Variants in ZFR observed in about 807,000 individuals in gnomAD.
ZFR encodes the protein zinc finger RNA-binding protein.
A neutral mutation model predicts 130.7 loss-of-function variants in ZFR; 19 were observed. The ratio of observed to expected loss-of-function variants is 0.15; its 90% CI spans 0.10 to 0.21. ZFR has a LOEUF of 0.21. Among genes scored for constraint, ZFR ranks in the 10% least tolerant of loss-of-function variants. The pLI is 1.00. For synonymous variants in ZFR, 466 were observed against 456.9 expected, an observed-to-expected ratio of 1.02 and a Z score of -0.25; for missense variants, 872 against 1,321.5, an observed-to-expected ratio of 0.66 and a Z score of 5.27.
rs573620405 is a variant in ZFR at position 32,380,984 on chromosome 5, C to T, written c.2642-812G>A. ...CATTTCTAAAAGTTTAATGCTCTCC[C>T]TTCCGCATGAAAATTTTAGTTATCA... is the stretch of plus-strand genomic sequence containing the variant. On this transcript the variant is annotated intron_variant, in intron 15 of 19. Transcript: ENST00000265069. 5.3e-5 allele frequency among the ~76,000 whole-genome samples: 8 copies of T among 152,166 alleles called. No individual in the cohort carries two copies. The East Asian group carries it at 9.7e-4, about 18-fold the overall frequency.
At chr5:32,364,324 C>T in intron 17 of ZFR, 49 bp from the exon 18 acceptor site, 3 of 1,439,664 alleles carry the variant, frequency 2.1e-6, no homozygotes, top group Non-Finnish European at 2.8e-6. Context: ...AAAGGAATTA[C>T]TCATTTTCAA....
chr5:32,444,006 C>T (rs36157014), intron 2 of ZFR, among the ~76,000 whole-genome samples: 1 of 151,026 alleles, frequency 6.6e-6, no homozygotes, highest in Non-Finnish European at 1.5e-5. Context: ...CCGTCTCTAC[C>T]TCCCCCCTAC....
chr5:32,363,944 G>A lies in ZFR; in HGVS notation c.3045+4C>T, dbSNP rs1241968703. The A allele has an allele frequency of 1.9e-6, 3 of 1,613,380 alleles. No individual in the cohort carries two copies. The highest frequency in any genetic ancestry group is 2.5e-6 in the Non-Finnish European group (3 of 1,179,574). ...TAGGGCTCTGAATTTAGGAATACCA[G>A]TACCTGTGCACTGGATGTGATGTCT... On this transcript the variant is annotated splice_donor_region_variant and intron_variant, in intron 19 of 19. Coordinates refer to ENST00000265069, the MANE Select transcript of ZFR (RefSeq NM_016107.5).
chr5:32,405,882 G>A (rs1753569777), intron 6 of ZFR, among the ~76,000 whole-genome samples: 1 of 152,138 alleles, frequency 6.6e-6, no homozygotes, highest in Non-Finnish European at 1.5e-5. Context: ...CTCAGGGAAT[G>A]TTAGAAACTG....
At chr5:32,443,360 G>A (rs1754513913) in intron 2 of ZFR, among the ~76,000 whole-genome samples, 1 of 152,200 alleles carries the variant, frequency 6.6e-6, no homozygotes, top group African/African-American at 2.4e-5. Context: ...GATTTCATCC[G>A]GTGCATTACA....
At chr5:32,418,909 A>C (rs1487970961) in intron 3 of ZFR, among the ~76,000 whole-genome samples, 1 of 152,232 alleles carries the variant, frequency 6.6e-6, no homozygotes, top group African/African-American at 2.4e-5. Flanking sequence ...CACTGTTTTC[A>C]AACATAATAA....
chr5:32,368,311 C>T lies in ZFR; in HGVS notation c.2836-4036G>A, dbSNP rs148769608. On this transcript the variant is annotated intron_variant, in intron 17 of 19. Coordinates refer to ENST00000265069, the MANE Select transcript of ZFR (RefSeq NM_016107.5). ...GCTGCAATGGCGTGATCTCAGCTCA[C>T]CGCAACCTCCACCTCCCAGGTTCAA... Among the ~76,000 whole-genome samples the T allele has an allele frequency of 8.0e-4, 122 of 152,348 alleles. No individual in the cohort carries two copies. In the East Asian group the frequency reaches 0.015, roughly 18 times the overall value.
chr5:32,398,571 T>C (rs6898832), intron 9 of ZFR, among the ~76,000 whole-genome samples: 37 of 152,236 alleles, frequency 2.4e-4, no homozygotes, highest in African/African-American at 8.2e-4. Flanking sequence ...CAAATCTTAC[T>C]CCTTTAAGAG....
intron 1 of ZFR, 107 bp from the exon 2 acceptor site, chr5:32,444,435 G>T: frequency 7.4e-7 from 1 of 1,343,718 alleles, no homozygotes; most frequent in African/African-American, 1.5e-5. Context: ...CGTGAGAGCA[G>T]CCCTGGCGGG....
chr5:32,361,762 G>GCACT (rs755201919), intron 19 of ZFR, among the ~76,000 whole-genome samples: 99 of 152,038 alleles, frequency 6.5e-4, no homozygotes, highest in Non-Finnish European at 1.3e-3. Flanking sequence ...TGGACTACAG[G>GCACT]CACTCACATG....
intron 2 of ZFR, among the ~76,000 whole-genome samples, chr5:32,439,678 C>T (rs1442108570): frequency 6.6e-6 from 1 of 151,994 alleles, no homozygotes; most frequent in African/African-American, 2.4e-5. Flanking sequence ...TAGTGGCTCA[C>T]ACCTGTAATC....
intron 11 of ZFR, among the ~76,000 whole-genome samples, chr5:32,391,569 C>T (rs1425267014): frequency 6.7e-6 from 1 of 149,586 alleles, no homozygotes; most frequent in Non-Finnish European, 1.5e-5. Context: ...TCTGCCCTCC[C>T]AGTTCTTTCC....
chr5:32,387,519 G>A (rs757424063), intron 14 of ZFR, 30 bp downstream of exon 14: 5 of 1,605,408 alleles, frequency 3.1e-6, no homozygotes, highest in Non-Finnish European at 2.6e-6. Flanking sequence ...CCAGACAAGG[G>A]GTAAAAATGA....
At chr5:32,422,384 T>C (rs555809840) in intron 2 of ZFR, among the ~76,000 whole-genome samples, 1 of 152,214 alleles carries the variant, frequency 6.6e-6, no homozygotes, top group East Asian at 1.9e-4. Flanking sequence ...AGATGAAATA[T>C]GAAAAAGATG....
At chr5:32,421,188 G>A (rs1036659230) in intron 2 of ZFR, among the ~76,000 whole-genome samples, 1 of 151,936 alleles carries the variant, frequency 6.6e-6, no homozygotes, top group African/African-American at 2.4e-5. Context: ...ATTCCACAAG[G>A]TAAAGCCACA....
intron 17 of ZFR, among the ~76,000 whole-genome samples, chr5:32,375,290 T>C (rs760101979): frequency 1.6e-4 from 25 of 152,334 alleles, no homozygotes; most frequent in Non-Finnish European, 2.8e-4. Flanking sequence ...TGGAAAAAGA[T>C]TGATAATTCA....
rs1029040068 is a variant in ZFR at position 32,355,688 on chromosome 5, CATT to C, written c.*69_*71del. 23 of 1,351,300 alleles carry C rather than the reference CATT, an allele frequency of 1.7e-5. No individual in the cohort carries two copies. In the African/African-American group the frequency reaches 2.5e-4, roughly 15 times the overall value. The allele number at this position is 1,351,300 out of a possible 1,614,324, so 83.7% of individuals were successfully genotyped here. On this transcript the variant is annotated 3_prime_UTR_variant, in exon 20 of 20. Coordinates refer to ENST00000265069, the MANE Select transcript of ZFR (RefSeq NM_016107.5). ...TTCTTGATAAATTTTTCAATGTAGA[CATT>C]ATTATGAATGAAAAACAGCCAACAA...
chr5:32,381,667 T>C (rs1752939945), intron 15 of ZFR, among the ~76,000 whole-genome samples: 1 of 152,156 alleles, frequency 6.6e-6, no homozygotes, highest in Non-Finnish European at 1.5e-5. Flanking sequence ...GTAGATGACA[T>C]ATAAAAAACA....
intron 14 of ZFR, among the ~76,000 whole-genome samples, chr5:32,385,872 T>C (rs970757812): frequency 1.3e-5 from 2 of 152,108 alleles, no homozygotes; most frequent in Non-Finnish European, 2.9e-5. Context: ...ATTGTTTGTA[T>C]TGTGAGTTAT....
Sources: allele counts gnomAD v4.1 joint callset (sites outside exome capture counted in the v4.1 genomes callset), GRCh38; gene constraint gnomAD v4.1.1; transcripts MANE v1.5; gene names NCBI Gene and HGNC (gene_info 2026-07-23, HGNC 2026-07-21).